The following NRG3 variants were observed in gnomAD, a reference collection of about 807,000 sequenced individuals.
NRG3 encodes neuregulin 3.
Under a neutral mutation model 66.9 loss-of-function variants are expected in NRG3, and 31 were observed. That is an observed-to-expected ratio of 0.46 (90% CI 0.35 to 0.63). The LOEUF (loss-of-function observed/expected upper bound fraction) is 0.63. Among genes scored for constraint, NRG3 ranks in the 20% least tolerant of loss-of-function variants. The probability of loss-of-function intolerance (pLI) is 0.00; values close to 1 mark genes in which losing one functional copy is unlikely to be tolerated. For synonymous variants in NRG3, 393 were observed against 359.4 expected (o/e 1.09, Z -1.06); for missense variants, 910 against 878.9 (o/e 1.04, Z -0.45).
chr10:82,084,234 A>AT (rs2065582936), intron 1 of NRG3, among the ~76,000 whole-genome samples: 1 of 47,340 alleles, frequency 2.1e-5, no homozygotes, highest in African/African-American at 4.8e-5. Context: ...TCTCAAAAAC[A>AT]AAAAAGACAC....
At chr10:81,877,434 T>C (rs777271969) in intron 1 of NRG3, among the ~76,000 whole-genome samples, 24 of 152,206 alleles carry the variant, frequency 1.6e-4, no homozygotes, top group Non-Finnish European at 2.4e-4. Context: ...AGCCATAGCA[T>C]CTGAGATAAA....
At chr10:82,639,642 A>G (rs1161505432) in intron 2 of NRG3, among the ~76,000 whole-genome samples, 1 of 152,050 alleles carries the variant, frequency 6.6e-6, no homozygotes, top group Non-Finnish European at 1.5e-5. Flanking sequence ...TTTTAAAAAC[A>G]CTCCCATTAA....
chr10:82,353,574 G>T (rs1755101992), intron 1 of NRG3, among the ~76,000 whole-genome samples: 1 of 152,096 alleles, frequency 6.6e-6, no homozygotes, highest in African/African-American at 2.4e-5. Context: ...CCTCCCTGGG[G>T]ATAGAGACCG....
At chr10:82,221,047 GA>G (rs2075915590) in intron 1 of NRG3, among the ~76,000 whole-genome samples, 1 of 152,126 alleles carries the variant, frequency 6.6e-6, no homozygotes, top group Admixed American at 6.6e-5. Flanking sequence ...TGCTTTTTCA[GA>G]AATGGTGGTT....
intron 3 of NRG3, among the ~76,000 whole-genome samples, chr10:82,760,976 T>A (rs1366248776): frequency 6.6e-6 from 1 of 151,722 alleles, no homozygotes; most frequent in Non-Finnish European, 1.5e-5. Flanking sequence ...GGAGACTAGG[T>A]ACTCTTAGAA....
chr10:82,708,008 T>C (rs1401484365), intron 2 of NRG3, among the ~76,000 whole-genome samples: 2 of 152,060 alleles, frequency 1.3e-5, no homozygotes, highest in Non-Finnish European at 2.9e-5. Flanking sequence ...GGCAACACAG[T>C]AGACTCTGTC....
At chr10:82,601,186 A>G (rs1007919461) in intron 2 of NRG3, among the ~76,000 whole-genome samples, 4 of 152,038 alleles carry the variant, frequency 2.6e-5, no homozygotes, top group African/African-American at 9.7e-5. Context: ...TTTTCATTCA[A>G]CCCACCATTG....
chr10:82,764,887 A>G (rs1384967569), intron 3 of NRG3, among the ~76,000 whole-genome samples: 1 of 152,100 alleles, frequency 6.6e-6, no homozygotes, highest in Non-Finnish European at 1.5e-5. Context: ...AAAGAGAGAG[A>G]GAGAAAGACA....
chr10:82,031,158 G>A (rs891672107), intron 1 of NRG3, among the ~76,000 whole-genome samples: 3 of 151,994 alleles, frequency 2.0e-5, no homozygotes, highest in South Asian at 2.1e-4. Flanking sequence ...AAGTTTCATC[G>A]GTGCTCTTTA....
intron 1 of NRG3, among the ~76,000 whole-genome samples, chr10:82,308,379 A>G (rs896013740): frequency 1.3e-5 from 2 of 152,104 alleles, no homozygotes; most frequent in Non-Finnish European, 2.9e-5. Context: ...ATGAGCCACC[A>G]TGCCCAGCCA....
At chr10:82,787,889 A>G (rs1043373532) in intron 3 of NRG3, among the ~76,000 whole-genome samples, 2 of 152,164 alleles carry the variant, frequency 1.3e-5, no homozygotes, top group Admixed American at 1.3e-4. Context: ...CTATGTCTCC[A>G]TTTACTTATC....
intron 2 of NRG3, among the ~76,000 whole-genome samples, chr10:82,473,431 C>G (rs759511890): frequency 1.3e-5 from 2 of 152,162 alleles, no homozygotes; most frequent in Non-Finnish European, 2.9e-5. Flanking sequence ...AGACTGGTGT[C>G]AGCAAGATTT....
At chr10:82,657,907 A>AG (rs914484559) in intron 2 of NRG3, among the ~76,000 whole-genome samples, 2 of 151,458 alleles carry the variant, frequency 1.3e-5, no homozygotes, top group African/African-American at 4.9e-5. Context: ...ATACACAGAA[A>AG]AAAAAAAAAA....
intron 1 of NRG3, among the ~76,000 whole-genome samples, chr10:82,349,160 G>T (rs536353741): frequency 2.4e-3 from 370 of 151,094 alleles, no homozygotes; most frequent in African/African-American, 8.4e-3. Flanking sequence ...AGAGTTTCCA[G>T]TTTTTCTGTT....
intron 1 of NRG3, among the ~76,000 whole-genome samples, chr10:82,346,981 T>G (rs373385090): frequency 1.4e-4 from 21 of 152,048 alleles, no homozygotes; most frequent in South Asian, 1.2e-3. Flanking sequence ...TCTTGCTAGC[T>G]GTCTATCAAT....
At chr10:81,902,232 A>G (rs1227513883) in intron 1 of NRG3, among the ~76,000 whole-genome samples, 1 of 152,160 alleles carries the variant, frequency 6.6e-6, no homozygotes, top group Non-Finnish European at 1.5e-5. Context: ...TCCTTTCTAA[A>G]TAAAGGAAAG....
At chr10:82,591,487 CAG>C (rs761606842) in intron 2 of NRG3, among the ~76,000 whole-genome samples, 1 of 152,160 alleles carries the variant, frequency 6.6e-6, no homozygotes, top group East Asian at 1.9e-4. Flanking sequence ...CAATTTGATT[CAG>C]AGTTTGTGGT....
At chr10:82,110,506 G>T (rs982625292) in intron 1 of NRG3, among the ~76,000 whole-genome samples, 1 of 152,238 alleles carries the variant, frequency 6.6e-6, no homozygotes, top group Admixed American at 6.5e-5. Context: ...AGGTAACAAC[G>T]GAAACACAGA....
chr10:82,508,293 G>C (rs184803247), intron 2 of NRG3, among the ~76,000 whole-genome samples: 25 of 152,288 alleles, frequency 1.6e-4, no homozygotes, highest in African/African-American at 6.0e-4. Flanking sequence ...GAGTATATCA[G>C]ACATGACAAA....
Sources: gnomAD v4.1 joint callset for allele counts (sites outside exome capture counted in the v4.1 genomes callset) on GRCh38, gnomAD v4.1.1 for gene constraint, MANE v1.5 for transcripts, NCBI Gene and HGNC (gene_info 2026-07-23, HGNC 2026-07-21) for gene names.